NRG1: variants seen among roughly 807,000 people sequenced by gnomAD.
NRG1 encodes the protein neuregulin 1, also known as pro-neuregulin-1, membrane-bound isoform.
A neutral mutation model predicts 63.8 loss-of-function variants in NRG1; 18 were observed. The observed-to-expected ratio is 0.28, with a 90% CI of 0.19 to 0.42. NRG1 has a LOEUF of 0.42. NRG1 is among the 10% of genes least tolerant of loss of function. The pLI, the probability that NRG1 is intolerant of heterozygous loss-of-function variation, is 1.00. For synonymous variants in NRG1, 302 were observed against 301.3 expected (o/e 1.00, Z -0.02); for missense variants, 762 against 814.7 (o/e 0.94, Z 0.79).
At chr8:32,402,740 C>G (rs67790398) in intron 1 of NRG1, among the ~76,000 whole-genome samples, 41,275 of 152,038 alleles carry the variant, frequency 0.27, 5,902 homozygotes, top group Middle Eastern at 0.34. Flanking sequence ...TGAGTGAAAA[C>G]TCTTAATAAG....
intron 5 of NRG1, among the ~76,000 whole-genome samples, chr8:32,646,276 G>A (rs552875848): frequency 5.9e-5 from 9 of 151,956 alleles, no homozygotes; most frequent in African/African-American, 2.2e-4. Flanking sequence ...TTTCTCCCTG[G>A]GCATGACAAA....
intron 1 of NRG1, among the ~76,000 whole-genome samples, chr8:31,653,126 T>C (rs1805070688): frequency 6.6e-6 from 1 of 151,396 alleles, no homozygotes; most frequent in Non-Finnish European, 1.5e-5. Flanking sequence ...TAACAGTGTT[T>C]ATCTCTGGGT....
Position 32,488,133 on chromosome 8 carries a change from A to G in NRG1, c.38-107695A>G, listed in dbSNP as rs551056597. 3.3e-5 allele frequency among the ~76,000 whole-genome samples: 5 copies of G among 152,242 alleles called. No homozygotes were observed. In the East Asian group the frequency reaches 5.8e-4, roughly 18 times the overall value. ...TTGTTTTGTTTGGTTTTAATCTCAG[A>G]CCTTGTTTCTAGTAGGACTGATGGA... On this transcript the variant is annotated intron_variant, in intron 1 of 10. Coordinates refer to the NRG1 transcript ENST00000519301.
intron 1 of NRG1, among the ~76,000 whole-genome samples, chr8:31,655,632 G>T (rs920660408): frequency 6.6e-6 from 1 of 152,236 alleles, no homozygotes; most frequent in Non-Finnish European, 1.5e-5. Context: ...CCCAATGAAG[G>T]GTTTTTAAGA....
At chr8:31,859,292 C>T (rs1410382867) in intron 1 of NRG1, among the ~76,000 whole-genome samples, 2 of 152,108 alleles carry the variant, frequency 1.3e-5, no homozygotes, top group African/African-American at 2.4e-5. Flanking sequence ...AGACAACAGC[C>T]TTACTAACAT....
In NRG1 at chr8:32,667,021, A is replaced by T. The variant is rs191236557; in HGVS notation, c.502+50136A>T. ...CACTTAATGACAAGGATATGTTCTA[A>T]GAAATACGTCATTGGACCATTTCAT... On this transcript the variant is annotated intron_variant, in intron 5 of 11. Transcript: ENST00000356819. Among the ~76,000 whole-genome samples the T allele has an allele frequency of 6.0e-4, 92 of 152,348 alleles. 1 individual carries two copies. Among genetic ancestry groups the T allele is most frequent in the East Asian group, 1.3e-3 (7 of 5,186 alleles).
intron 1 of NRG1, among the ~76,000 whole-genome samples, chr8:32,036,412 G>C (rs1283349977): frequency 2.6e-5 from 4 of 152,042 alleles, no homozygotes; most frequent in African/African-American, 9.7e-5. Flanking sequence ...GTGTCTTGGG[G>C]TTGTTCTTCT....
At chr8:32,731,972 G>C (rs1415324623) in intron 6 of NRG1, among the ~76,000 whole-genome samples, 1 of 152,218 alleles carries the variant, frequency 6.6e-6, no homozygotes, top group Non-Finnish European at 1.5e-5. Context: ...CTAATCTGCT[G>C]TTGTCTTCTT....
At chr8:32,689,963 C>T (rs1022901831) in intron 5 of NRG1, among the ~76,000 whole-genome samples, 5 of 152,116 alleles carry the variant, frequency 3.3e-5, no homozygotes, top group Admixed American at 6.5e-5. Flanking sequence ...AAGAGAGGAA[C>T]GAGTAGGAAG....
At chr8:32,448,924 T>C (rs1246646081) in intron 1 of NRG1, among the ~76,000 whole-genome samples, 1 of 152,096 alleles carries the variant, frequency 6.6e-6, no homozygotes, top group African/African-American at 2.4e-5. Context: ...TTAGGAAGGA[T>C]GTGAGGAGGA....
chr8:31,980,837 G>T (rs1342060209), intron 1 of NRG1, among the ~76,000 whole-genome samples: 1 of 151,790 alleles, frequency 6.6e-6, no homozygotes, highest in African/African-American at 2.4e-5. Flanking sequence ...TTTTGCAGTG[G>T]TTTATTTTAT....
At chr8:32,185,680 A>G (rs1841899463) in intron 1 of NRG1, among the ~76,000 whole-genome samples, 1 of 152,168 alleles carries the variant, frequency 6.6e-6, no homozygotes, top group Admixed American at 6.6e-5. Context: ...GTATCCAGTA[A>G]AATGTTCATT....
intron 1 of NRG1, among the ~76,000 whole-genome samples, chr8:31,958,400 C>G (rs987644683): frequency 2.0e-5 from 3 of 152,182 alleles, no homozygotes; most frequent in Admixed American, 1.3e-4. Context: ...CACCATCAGG[C>G]AAATGCCTTA....
At chr8:31,894,546 C>CTTTTTTTTTTTTTT (rs370312165) in intron 1 of NRG1, among the ~76,000 whole-genome samples, 1 of 98,068 alleles carries the variant, frequency 1.0e-5, no homozygotes, top group African/African-American at 3.3e-5. Flanking sequence ...CTATTTCTTT[C>CTTTTTTTTTTTTTT]TTTTTTCTTT....
intron 7 of NRG1, among the ~76,000 whole-genome samples, chr8:32,747,732 G>GTGTA (rs1264111970): frequency 3.5e-4 from 46 of 132,110 alleles, no homozygotes; most frequent in East Asian, 4.6e-4. Context: ...ATGTGTGTGT[G>GTGTA]TATATATATA....
chr8:31,789,743 C>T (rs551324768), intron 1 of NRG1, among the ~76,000 whole-genome samples: 4 of 152,190 alleles, frequency 2.6e-5, no homozygotes, highest in Non-Finnish European at 5.9e-5. Context: ...CCTTTTGTTT[C>T]CATTGCTATG....
intron 5 of NRG1, among the ~76,000 whole-genome samples, chr8:32,633,279 G>T (rs1850677385): frequency 6.6e-6 from 1 of 152,006 alleles, no homozygotes; most frequent in Non-Finnish European, 1.5e-5. Context: ...TTAAAAAAAT[G>T]CAATCATTAA....
At chr8:32,690,938 A>AGTGTGTGTGTGTGTGT (rs113081002) in intron 5 of NRG1, among the ~76,000 whole-genome samples, 5 of 131,086 alleles carry the variant, frequency 3.8e-5, no homozygotes, top group African/African-American at 1.1e-4. Context: ...TTTCCCTCTC[A>AGTGTGTGTGTGTGTGT]GTGTGTGTGT....
intron 7 of NRG1, among the ~76,000 whole-genome samples, chr8:32,748,028 A>G (rs1827806685): frequency 6.6e-6 from 1 of 152,006 alleles, no homozygotes; most frequent in African/African-American, 2.4e-5. Flanking sequence ...TAACATGTCC[A>G]AAGTCACTAA....
Sources: gnomAD v4.1 joint callset for allele counts (sites outside exome capture counted in the v4.1 genomes callset) on GRCh38, gnomAD v4.1.1 for gene constraint, MANE v1.5 for transcripts, NCBI Gene and HGNC (gene_info 2026-07-23, HGNC 2026-07-21) for gene names.